GAP43: variants seen among roughly 807,000 people sequenced by gnomAD.
GAP43 encodes the protein neuromodulin.
A neutral mutation model predicts 18.6 loss-of-function variants in GAP43; 6 were observed. The observed-to-expected ratio is 0.32, with a 90% CI of 0.18 to 0.64. The LOEUF (loss-of-function observed/expected upper bound fraction) is 0.64, where lower values mean the gene tolerates loss of function less well. Among genes scored for constraint, GAP43 ranks in the 30% least tolerant of loss-of-function variants. The pLI, the probability that GAP43 is intolerant of heterozygous loss-of-function variation, is 0.78. For missense variants in GAP43, 292 were observed against 295.5 expected (o/e 0.99, Z 0.09); for synonymous variants, 115 against 111.4 (o/e 1.03, Z -0.20).
At chr3:115,670,454 G>A (rs1166261075) in intron 1 of GAP43, among the ~76,000 whole-genome samples, 3 of 151,986 alleles carry the variant, frequency 2.0e-5, no homozygotes, top group East Asian at 3.9e-4. Context: ...CACCGAAACC[G>A]GCAGTGACAT....
rs1345196997 is a variant in GAP43 at position 115,718,071 on chromosome 3, A to G, written c.629-2723A>G. On this transcript the variant is annotated intron_variant, in intron 2 of 2. Transcript: ENST00000305124. ...ATGCAATTCTCACCTTTCCCAGTCT[A>G]CTTCCCTTTTTCTCTCATTTCCTAA... 4.6e-5 allele frequency among the ~76,000 whole-genome samples: 7 copies of G among 152,252 alleles called. No homozygotes were observed. The South Asian group carries it at 1.5e-3, about 32-fold the overall frequency.
intron 1 of GAP43, among the ~76,000 whole-genome samples, chr3:115,643,209 T>C (rs1177354793): frequency 6.6e-6 from 1 of 152,084 alleles, no homozygotes; most frequent in Non-Finnish European, 1.5e-5. Context: ...ACTTTTTATC[T>C]TCAAGGAATG....
chr3:115,634,127 CT>C (rs2107466682), intron 1 of GAP43, among the ~76,000 whole-genome samples: 1 of 151,992 alleles, frequency 6.6e-6, no homozygotes, highest in South Asian at 2.1e-4. Flanking sequence ...CCCTAATATC[CT>C]TTCATTAATG....
intron 1 of GAP43, among the ~76,000 whole-genome samples, chr3:115,651,381 G>A (rs1053373368): frequency 2.0e-5 from 3 of 152,120 alleles, no homozygotes; most frequent in Admixed American, 1.3e-4. Context: ...GTTAGTGTTT[G>A]AAAAGTATAT....
chr3:115,625,910 G>A (rs1231056117), intron 1 of GAP43, among the ~76,000 whole-genome samples: 1 of 152,150 alleles, frequency 6.6e-6, no homozygotes, highest in Admixed American at 6.5e-5. Flanking sequence ...ATATTCAAGA[G>A]AAAATTAAAG....
At chr3:115,713,917 A>T (rs919432882) in intron 2 of GAP43, among the ~76,000 whole-genome samples, 1 of 152,242 alleles carries the variant, frequency 6.6e-6, no homozygotes, top group South Asian at 2.1e-4. Flanking sequence ...CATTCAAATT[A>T]GTCAGCTTTG....
chr3:115,663,997 G>A lies in GAP43; in HGVS notation c.31-12016G>A, dbSNP rs184661560. 3.7e-4 allele frequency: 494 copies of A among 1,342,274 alleles called. 2 individuals are homozygous for A. Among genetic ancestry groups the A allele is most frequent in the Middle Eastern group, 3.1e-3 (16 of 5,144 alleles). 83.1% of individuals were successfully genotyped at this position (1,342,274 alleles called of 1,614,324 possible). A position where few individuals can be genotyped will look rare whatever the true frequency, so the allele number is the denominator to read the frequency against. ...TGCCACTTACTAGCTGTATGACTTTGAGCAAATTACTTAATTACTTAACTA... is the reference window on the plus strand; with the variant it reads ...TGCCACTTACTAGCTGTATGACTTTAAGCAAATTACTTAATTACTTAACTA... On this transcript the variant is annotated intron_variant, in intron 1 of 2. Transcript: ENST00000305124.
chr3:115,642,322 T>C (rs924866188), intron 1 of GAP43, among the ~76,000 whole-genome samples: 3 of 152,026 alleles, frequency 2.0e-5, no homozygotes, highest in African/African-American at 7.2e-5. Context: ...TCTAATATTA[T>C]ATTACAATCC....
chr3:115,672,379 C>G (rs1319669993), intron 1 of GAP43, among the ~76,000 whole-genome samples: 1 of 152,116 alleles, frequency 6.6e-6, no homozygotes, highest in Non-Finnish European at 1.5e-5. Flanking sequence ...TTCTCAGAAC[C>G]TGGGGTTACT....
chr3:115,637,777 G>A (rs1708347654), intron 1 of GAP43, among the ~76,000 whole-genome samples: 1 of 151,862 alleles, frequency 6.6e-6, no homozygotes, highest in Non-Finnish European at 1.5e-5. Context: ...AATCTCAACA[G>A]GTCTTAAAAG....
chr3:115,697,374 C>A (rs1013611790), intron 2 of GAP43, among the ~76,000 whole-genome samples: 14 of 152,124 alleles, frequency 9.2e-5, no homozygotes, highest in Non-Finnish European at 1.0e-4. Flanking sequence ...AAGGAACTTC[C>A]TCTCCGCCAC....
In GAP43 at chr3:115,713,532, C is replaced by G. The variant is rs563730482; in HGVS notation, c.629-7262C>G. ...CTCCAGCAGCATTGCAACCAGGCTGCCTGGCTGAGCGCACAAGCAGCCGCT... is the reference window on the plus strand; with the variant it reads ...CTCCAGCAGCATTGCAACCAGGCTGGCTGGCTGAGCGCACAAGCAGCCGCT... On this transcript the variant is annotated intron_variant, in intron 2 of 2. Coordinates refer to ENST00000305124, the MANE Select transcript of GAP43 (RefSeq NM_002045.4). Among the ~76,000 whole-genome samples, 396 of 152,354 alleles carry G rather than the reference C, an allele frequency of 2.6e-3. 1 individual carries two copies. The highest frequency in any genetic ancestry group is 4.8e-3 in the Non-Finnish European group (329 of 68,028).
At chr3:115,709,702 A>C (rs1709409696) in intron 2 of GAP43, among the ~76,000 whole-genome samples, 1 of 152,156 alleles carries the variant, frequency 6.6e-6, no homozygotes. Flanking sequence ...ACAAACATTG[A>C]CTAAGTAGCT....
chr3:115,655,805 A>G (rs1434033539), intron 1 of GAP43, among the ~76,000 whole-genome samples: 3 of 152,222 alleles, frequency 2.0e-5, no homozygotes, highest in Non-Finnish European at 4.4e-5. Context: ...AGTATAAACT[A>G]TTTCTTTTAA....
intron 1 of GAP43, among the ~76,000 whole-genome samples, chr3:115,663,027 G>A (rs764046439): frequency 6.6e-6 from 1 of 152,080 alleles, no homozygotes; most frequent in African/African-American, 2.4e-5. Context: ...CAAAGGGTTC[G>A]GTGTTTCTCC....
chr3:115,682,231 T>A (rs1352678654), intron 2 of GAP43, among the ~76,000 whole-genome samples: 1 of 152,220 alleles, frequency 6.6e-6, no homozygotes, highest in Non-Finnish European at 1.5e-5. Flanking sequence ...TTATTAGACC[T>A]GAGAGAGCTA....
intron 2 of GAP43, among the ~76,000 whole-genome samples, chr3:115,705,042 T>C (rs1204148018): frequency 1.3e-5 from 2 of 152,170 alleles, no homozygotes; most frequent in Non-Finnish European, 2.9e-5. Context: ...TACTTTGTGC[T>C]GTGTAGATAC....
chr3:115,678,059 G>A (rs1258263280), intron 2 of GAP43, among the ~76,000 whole-genome samples: 5 of 152,170 alleles, frequency 3.3e-5, no homozygotes, highest in Admixed American at 2.6e-4. Flanking sequence ...TGTCCCAGGG[G>A]CCAGACATTG....
At chr3:115,625,259 T>C (rs2107462036) in intron 1 of GAP43, among the ~76,000 whole-genome samples, 1 of 148,604 alleles carries the variant, frequency 6.7e-6, no homozygotes, top group East Asian at 2.0e-4. Flanking sequence ...GTGGGGCTAT[T>C]TGGGGGAAAA....
Sources: gnomAD v4.1 joint callset for allele counts (sites outside exome capture counted in the v4.1 genomes callset) on GRCh38, gnomAD v4.1.1 for gene constraint, MANE v1.5 for transcripts, NCBI Gene and HGNC (gene_info 2026-07-23, HGNC 2026-07-21) for gene names.